Variants in STK32A observed in about 807,000 individuals in gnomAD.
The protein encoded by STK32A is serine/threonine-protein kinase 32A.
Under a neutral mutation model 53.2 loss-of-function variants are expected in STK32A, and 41 were observed. The ratio of observed to expected loss-of-function variants is 0.77; its 90% CI spans 0.60 to 1.00. The LOEUF is 1.00. Ranked by LOEUF, STK32A falls within the 50% of genes least tolerant of loss-of-function variation. The pLI is 0.00. For synonymous variants in STK32A, 166 were observed against 162.8 expected, an observed-to-expected ratio of 1.02 and a Z score of -0.15; for missense variants, 458 against 485.8, an observed-to-expected ratio of 0.94 and a Z score of 0.54.
In STK32A at chr5:147,316,090, A is replaced by G. The variant is rs183517182; in HGVS notation, c.261-7808A>G. On this transcript the variant is annotated intron_variant, in intron 4 of 12. Transcript: ENST00000397936. ...AGCAAAAATATCTTAAAGTGTTTTCAGTAATGGCATTGTTGGGGGTAATGT... is the reference window on the plus strand; with the variant it reads ...AGCAAAAATATCTTAAAGTGTTTTCGGTAATGGCATTGTTGGGGGTAATGT... Among the ~76,000 whole-genome samples, 5 of 152,332 alleles carry G rather than the reference A, an allele frequency of 3.3e-5. No individual in the cohort carries two copies. The East Asian group carries it at 9.6e-4, about 29-fold the overall frequency.
intron 8 of STK32A, among the ~76,000 whole-genome samples, chr5:147,365,272 T>C (rs1756690906): frequency 6.6e-6 from 1 of 152,198 alleles, no homozygotes; most frequent in African/African-American, 2.4e-5. Context: ...ATCTCACAAT[T>C]GTATCTGTTT....
intron 4 of STK32A, among the ~76,000 whole-genome samples, chr5:147,284,192 G>A (rs552592238): frequency 1.3e-5 from 2 of 152,204 alleles, no homozygotes; most frequent in South Asian, 2.1e-4. Context: ...CTCAGTAGGT[G>A]CAGAAAAAGC....
In STK32A at chr5:147,384,428, G is replaced by A. The variant is rs1259809103; in HGVS notation, c.*445G>A. On this transcript the variant is annotated 3_prime_UTR_variant, in exon 13 of 13. Coordinates refer to ENST00000397936, the MANE Select transcript of STK32A (RefSeq NM_001112724.2). ...CAGTGAGACTTTTCAGACCTCGAAA[G>A]TTTCATAAAGTGGTCAGAATGCCCC... 3 of 1,534,414 alleles carry A rather than the reference G, an allele frequency of 2.0e-6. No individual in the cohort carries two copies. The highest frequency in any genetic ancestry group is 1.7e-4 in the Middle Eastern group (1 of 5,978).
the STK32A span, chr5:147,401,809 T>G: frequency 1.2e-5 from 16 of 1,309,596 alleles, no homozygotes; most frequent in Non-Finnish European, 1.3e-5. Context: ...AGAGTCAGAC[T>G]GACCTGGGTT....
chr5:147,383,875 T>G lies in STK32A; in HGVS notation c.1098-15T>G, dbSNP rs1176658665. 1 of 1,462,260 alleles carries G rather than the reference T, an allele frequency of 6.8e-7. No homozygotes were observed. Among genetic ancestry groups the G allele is most frequent in the Non-Finnish European group, 9.3e-7 (1 of 1,075,264 alleles). 90.6% of individuals were successfully genotyped at this position (1,462,260 alleles called of 1,614,324 possible). A position where few individuals can be genotyped will look rare whatever the true frequency, so the allele number is the denominator to read the frequency against. ...TCAAAGAATAAAACATCTTTTTTTT[T>G]CTTTTCTTTTTAAGAGTAAACAGGG... On this transcript the variant is annotated splice_polypyrimidine_tract_variant and intron_variant, in intron 12 of 12. Coordinates refer to ENST00000397936, the MANE Select transcript of STK32A (RefSeq NM_001112724.2).
chr5:147,341,731 T>G (rs1185605310), intron 5 of STK32A, among the ~76,000 whole-genome samples: 1 of 152,174 alleles, frequency 6.6e-6, no homozygotes, highest in Non-Finnish European at 1.5e-5. Context: ...TTTGGACCAG[T>G]CTTTTACACA....
intron 4 of STK32A, among the ~76,000 whole-genome samples, chr5:147,319,886 A>G (rs1446012710): frequency 2.6e-5 from 4 of 152,328 alleles, no homozygotes; most frequent in Middle Eastern, 3.4e-3. Flanking sequence ...GGGTAGCATC[A>G]GAATGAGGAT....
intron 4 of STK32A, among the ~76,000 whole-genome samples, chr5:147,322,758 A>G (rs1423011820): frequency 6.6e-6 from 1 of 152,238 alleles, no homozygotes; most frequent in Non-Finnish European, 1.5e-5. Flanking sequence ...ATGCATAGTT[A>G]CAAGCTACTG....
chr5:147,258,180 C>T (rs1362051801), intron 2 of STK32A, among the ~76,000 whole-genome samples: 1 of 81,820 alleles, frequency 1.2e-5, no homozygotes, highest in African/African-American at 5.4e-5. Flanking sequence ...TGTTAAAGAG[C>T]AGGTTAGTGC....
intron 2 of STK32A, among the ~76,000 whole-genome samples, chr5:147,267,700 AG>A (rs1754866506): frequency 6.6e-6 from 1 of 152,194 alleles, no homozygotes; most frequent in Non-Finnish European, 1.5e-5. Context: ...CCATAAGGAT[AG>A]AGGCAACATG....
chr5:147,271,780 CT>C (rs1414398898), intron 2 of STK32A, among the ~76,000 whole-genome samples: 1 of 152,066 alleles, frequency 6.6e-6, no homozygotes, highest in African/African-American at 2.4e-5. Flanking sequence ...TTGGTCAGAC[CT>C]GTTGCTCTCA....
chr5:147,371,901 T>C (rs1158955702), intron 9 of STK32A, among the ~76,000 whole-genome samples: 1 of 152,196 alleles, frequency 6.6e-6, no homozygotes, highest in Admixed American at 6.6e-5. Context: ...CAACTTTAGC[T>C]CTTAGCTCAA....
chr5:147,376,575 C>T (rs113132818), intron 11 of STK32A, among the ~76,000 whole-genome samples: 26 of 152,280 alleles, frequency 1.7e-4, no homozygotes, highest in African/African-American at 5.5e-4. Flanking sequence ...GTACCATGCT[C>T]AACATGATCT....
chr5:147,293,077 G>A (rs1210377440), intron 4 of STK32A, among the ~76,000 whole-genome samples: 2 of 152,098 alleles, frequency 1.3e-5, no homozygotes, highest in Non-Finnish European at 2.9e-5. Flanking sequence ...TTTCCTTGAA[G>A]GATAAGCAAA....
chr5:147,310,643 G>A (rs143821930), intron 4 of STK32A, among the ~76,000 whole-genome samples: 14 of 152,288 alleles, frequency 9.2e-5, no homozygotes, highest in Non-Finnish European at 2.1e-4. Context: ...TTGTCATGGA[G>A]CACAAAAAGT....
At chr5:147,390,705 A>G (rs1403669894), downstream of STK32A, 1 of 152,244 alleles carries the variant, frequency 6.6e-6, no homozygotes, top group Non-Finnish European at 1.5e-5. Flanking sequence ...TGTTATCAGC[A>G]GATCTGCCTG....
chr5:147,235,485 G>A (rs1193828722), intron 1 of STK32A, among the ~76,000 whole-genome samples: 2 of 152,182 alleles, frequency 1.3e-5, no homozygotes, highest in Non-Finnish European at 2.9e-5. Flanking sequence ...ATCTAAACAA[G>A]CAAAACCTAG....
Position 147,361,568 on chromosome 5 carries a change from A to G in STK32A, c.614A>G (p.Asp205Gly). ...RKGAGYSFAV[D>G]WWSLGVTAYE... ...GGAGCAGGCTATTCCTTTGCTGTTG[A>G]CTGGTGGTCCCTGGGAGTGACGGCA... Residue 205 changes from aspartate (D) to glycine (G), a missense_variant, in exon 8 of 13, where the codon GAC (aspartate) becomes GGC (glycine). Asp to Gly is a moderately conservative substitution (Grantham distance 94). Coordinates refer to ENST00000397936, the MANE Select transcript of STK32A (RefSeq NM_001112724.2). 2.5e-6 allele frequency: 4 copies of G among 1,613,562 alleles called. No individual in the cohort carries two copies. The highest frequency in any genetic ancestry group is 3.4e-6 in the Non-Finnish European group (4 of 1,179,762).
chr5:147,370,245 A>T (rs1010225836), intron 8 of STK32A, among the ~76,000 whole-genome samples: 1 of 152,176 alleles, frequency 6.6e-6, no homozygotes, highest in Non-Finnish European at 1.5e-5. Context: ...TTCTGGATTT[A>T]CTTGCAATCA....
Sources: gnomAD v4.1 joint callset for allele counts (sites outside exome capture counted in the v4.1 genomes callset) on GRCh38, gnomAD v4.1.1 for gene constraint, MANE v1.5 for transcripts, NCBI Gene and HGNC (gene_info 2026-07-23, HGNC 2026-07-21) for gene names.